Variants in PFKM observed in about 807,000 individuals in gnomAD.
PFKM encodes the protein phosphofructokinase, muscle.
PFKM carries 58 observed loss-of-function variants against 95.5 expected under a neutral mutation model. The ratio of observed to expected loss-of-function variants is 0.61; its 90% confidence interval spans 0.49 to 0.76. The LOEUF is 0.76. PFKM is among the 30% of genes least tolerant of loss of function. PFKM has a pLI of 0.00. For missense variants in PFKM, 678 were observed against 1,005.4 expected (o/e 0.67, Z 4.40); for synonymous variants, 336 against 357.2 (o/e 0.94, Z 0.67).
At chr12:48,136,472 A>G (rs1950095760) in intron 10 of PFKM, among the ~76,000 whole-genome samples, 1 of 152,210 alleles carries the variant, frequency 6.6e-6, no homozygotes. Context: ...TAAAGCGACT[A>G]TGAACATTTG....
intron 10 of PFKM, among the ~76,000 whole-genome samples, chr12:48,136,720 T>A (rs1950129968): frequency 7.3e-6 from 1 of 136,074 alleles, no homozygotes; most frequent in Non-Finnish European, 1.6e-5. Context: ...TTTTTTTTAC[T>A]ATTCTGATAG....
rs1261175251 is a variant in PFKM at position 48,145,068 on chromosome 12, C to T, written c.2030C>T (p.Thr677Ile). 1.9e-6 allele frequency: 3 copies of T among 1,614,150 alleles called. No individual in the cohort carries two copies. The highest frequency in any genetic ancestry group is 2.5e-6 in the Non-Finnish European group (3 of 1,179,994). ...SPTPFDRNFA[T>I]KMGAKAMNWM... ...ACCCCATTTGATAGGAATTTTGCCA[C>T]TAAGATGGGCGCCAAGGCTATGAAC... The change falls in exon 21 of 23, where the codon ACT (threonine) becomes ATT (isoleucine). Residue 677 changes from threonine (T) to isoleucine (I), a missense_variant. Physicochemically the swap from Thr to Ile is moderately conservative, Grantham distance 89. Transcript: ENST00000359794. The surrounding 1 kb of genome is among the most constrained non-coding windows in gnomAD (Gnocchi z 4.3).
At chr12:48,111,555 G>T (rs1449484900) in intron 3 of PFKM, among the ~76,000 whole-genome samples, 1 of 152,224 alleles carries the variant, frequency 6.6e-6, no homozygotes, top group Admixed American at 6.5e-5. Context: ...TCAGCTTGCT[G>T]AGAGGTAGTG....
upstream of PFKM, among the ~76,000 whole-genome samples, chr12:48,116,301 CT>C (rs1051848540): frequency 9.3e-5 from 14 of 149,970 alleles, no homozygotes; most frequent in East Asian, 2.0e-4. Context: ...TCCTTCCTTT[CT>C]TTTTTTCTTT....
upstream of PFKM, chr12:48,119,295 C>G (rs1592635405): frequency 2.0e-6 from 2 of 984,574 alleles, no homozygotes; most frequent in Non-Finnish European, 2.4e-6. Flanking sequence ...CCTCCTTCCC[C>G]CTCCCTCTTT....
chr12:48,116,427 T>C (rs1947689537), upstream of PFKM, among the ~76,000 whole-genome samples: 1 of 152,204 alleles, frequency 6.6e-6, no homozygotes, highest in Non-Finnish European at 1.5e-5. Flanking sequence ...TTGTACTTTT[T>C]AGCCATTATA....
chr12:48,116,678 C>T (rs1947711172), upstream of PFKM, among the ~76,000 whole-genome samples: 1 of 152,130 alleles, frequency 6.6e-6, no homozygotes, highest in African/African-American at 2.4e-5. Context: ...GGGGTTTCAC[C>T]ATGTTGCCCA....
intron 20 of PFKM, 91 bp from the exon 21 acceptor site, chr12:48,144,940 G>A (rs1950896853): frequency 1.1e-6 from 1 of 916,872 alleles, no homozygotes; most frequent in South Asian, 1.4e-5. Flanking sequence ...TAAGCCTGGG[G>A]CCCATCTTTC....
At chr12:48,113,277 A>G (rs1003263929) in intron 3 of PFKM, among the ~76,000 whole-genome samples, 1 of 152,130 alleles carries the variant, frequency 6.6e-6, no homozygotes, top group Non-Finnish European at 1.5e-5. Context: ...GGTAATGTGG[A>G]GTGGGTAGCC....
In PFKM at chr12:48,140,868, G is replaced by A. The variant is rs150378513; in HGVS notation, c.1338G>A (p.Gly446=). 3.4e-3 allele frequency: 5,473 copies of A among 1,614,088 alleles called. 14 individuals are homozygous for A. Among genetic ancestry groups the A allele is most frequent in the Non-Finnish European group, 4.1e-3 (4,839 of 1,179,986 alleles). The part of the protein sequence containing the change: ...VHDGFEGLAK[G]QIEEAGWSYV... The stretch of plus-strand genomic sequence containing the variant: ...ATGGTTTCGAGGGCCTGGCCAAGGG[G>A]CAGGTATGGGGACTATTCTGGGACC... The change falls in exon 14 of 23, where the codon GGG becomes GGA. Residue 446 remains glycine, a synonymous_variant. Coordinates refer to ENST00000359794, the MANE Select transcript of PFKM (RefSeq NM_000289.6).
At position 48,145,636 on chromosome 12, in the gene PFKM, T is replaced by C; in HGVS notation, c.2271T>C (p.Ile757=). The C allele has an allele frequency of 6.2e-7, 1 of 1,614,044 alleles. No homozygotes were observed. The highest frequency in any genetic ancestry group is 8.5e-7 in the Non-Finnish European group (1 of 1,179,938). ...PILKILAKYE[I]DLDTSDHAHL... is the part of the protein sequence containing the mutation. ...TCAAAATCCTAGCCAAGTACGAGAT[T>C]GACTTGGACACTTCAGACCATGCCC... is the stretch of plus-strand genomic sequence containing the variant. Residue 757 remains isoleucine, a synonymous_variant, in exon 23 of 23, where the codon ATT becomes ATC. Transcript: ENST00000359794. The surrounding 1 kb of genome is among the most constrained non-coding windows in gnomAD (Gnocchi z 4.3).
intron 2 of PFKM, among the ~76,000 whole-genome samples, chr12:48,128,709 G>GT (rs1472275517): frequency 1.3e-5 from 2 of 152,088 alleles, no homozygotes; most frequent in South Asian, 2.1e-4. Flanking sequence ...GTTTGTGATG[G>GT]TTTTTTAGTT....
In PFKM at chr12:48,145,110, T is replaced by G. The variant is rs781069294; in HGVS notation, c.2072T>G (p.Ile691Ser). The G allele has an allele frequency of 1.9e-6, 3 of 1,614,070 alleles. No homozygotes were observed. Among genetic ancestry groups the G allele is most frequent in the Non-Finnish European group, 2.5e-6 (3 of 1,179,938 alleles). Reference sequence around the variant, plus strand: ...GCTATGAACTGGATGTCTGGGAAAATCAAAGAGAGTTACCGTAATGGTAGG... The same window carrying G: ...GCTATGAACTGGATGTCTGGGAAAAGCAAAGAGAGTTACCGTAATGGTAGG... The part of the protein sequence containing the change: ...AKAMNWMSGK[I>S]KESYRNGRIF... Residue 691 changes from isoleucine (I) to serine (S), a missense_variant, in exon 21 of 23, where the codon ATC becomes AGC. Transcript: ENST00000359794. The surrounding 1 kb of genome is among the most constrained non-coding windows in gnomAD (Gnocchi z 4.3).
intron 3 of PFKM, among the ~76,000 whole-genome samples, chr12:48,114,102 G>C (rs1214566612): frequency 6.6e-6 from 1 of 152,192 alleles, no homozygotes; most frequent in African/African-American, 2.4e-5. Context: ...TCGCCTCAGG[G>C]AACTGCTCTA....
chr12:48,131,273 T>C (rs756241189), intron 3 of PFKM, 43 bp from the exon 4 acceptor site: 3 of 1,347,604 alleles, frequency 2.2e-6, no homozygotes, highest in East Asian at 2.3e-5. Flanking sequence ...TGGGAATTTA[T>C]AGAGAAGCCT....
Position 48,132,725 on chromosome 12 carries a change from G to A in PFKM, c.238-143G>A, listed in dbSNP as rs1949639465. On this transcript the variant is annotated intron_variant, in intron 4 of 22. Transcript: ENST00000359794. ...GCCAGCATCATTTCCCTTTCCTTTG[G>A]AAGGGACAGATCACTCTTAAGGATG... The A allele has an allele frequency of 3.9e-5, 29 of 735,750 alleles. 1 individual carries two copies. In the South Asian group the frequency reaches 4.4e-4, roughly 11 times the overall value. The allele number at this position is 735,750 out of a possible 1,614,324, so 45.6% of individuals were successfully genotyped here.
chr12:48,139,278 C>G lies in PFKM; in HGVS notation c.1063-7C>G, dbSNP rs776228408. Reference sequence around the variant, plus strand: ...GAGTTGAAACTGTCGCTGTGCTCCCCCCTCAGACCAAAGATGTGACCAAGG... The same window carrying G: ...GAGTTGAAACTGTCGCTGTGCTCCCGCCTCAGACCAAAGATGTGACCAAGG... On this transcript the variant is annotated splice_polypyrimidine_tract_variant and splice_region_variant and intron_variant, in intron 11 of 22. Coordinates refer to ENST00000359794, the MANE Select transcript of PFKM (RefSeq NM_000289.6). 5 of 1,612,080 alleles carry G rather than the reference C, an allele frequency of 3.1e-6. 1 individual carries two copies. The highest frequency in any genetic ancestry group is 4.5e-5 in the East Asian group (2 of 44,856).
chr12:48,109,500 A>C (rs545196373), intron 3 of PFKM, among the ~76,000 whole-genome samples: 5 of 152,118 alleles, frequency 3.3e-5, no homozygotes, highest in Non-Finnish European at 7.3e-5. Flanking sequence ...TGTTTATTGA[A>C]TTTGTACAGA....
At chr12:48,127,037 A>AT (rs1948926657) in intron 2 of PFKM, among the ~76,000 whole-genome samples, 1 of 152,186 alleles carries the variant, frequency 6.6e-6, no homozygotes, top group Non-Finnish European at 1.5e-5. Flanking sequence ...TAGTGATGTC[A>AT]TAAGTAAGCT....
Sources: allele counts gnomAD v4.1 joint callset (sites outside exome capture counted in the v4.1 genomes callset), GRCh38; gene constraint gnomAD v4.1.1; non-coding constraint Gnocchi (gnomAD v3.1); transcripts MANE v1.5; gene names NCBI Gene and HGNC (gene_info 2026-07-23, HGNC 2026-07-21).